The following COG5 variants were observed in gnomAD, a reference collection of about 807,000 sequenced individuals.
COG5 encodes conserved oligomeric Golgi complex subunit 5.
Under a neutral mutation model 110.4 loss-of-function variants are expected in COG5, and 86 were observed. The observed-to-expected ratio is 0.78, with a 90% CI of 0.65 to 0.93. COG5 has a LOEUF of 0.93. COG5 is among the 40% of genes least tolerant of loss of function. The pLI is 0.00. For missense variants in COG5, 1,077 were observed against 987.0 expected (o/e 1.09, Z -1.22); for synonymous variants, 360 against 334.6 (o/e 1.08, Z -0.83).
intron 6 of COG5, among the ~76,000 whole-genome samples, chr7:107,524,463 C>T (rs1362510788): frequency 6.6e-6 from 1 of 152,166 alleles, no homozygotes; most frequent in Admixed American, 6.5e-5. Context: ...CTAATGCTTT[C>T]TAATGAAAAA....
chr7:107,546,437 T>TG (rs1391804780), intron 5 of COG5, among the ~76,000 whole-genome samples: 2 of 143,194 alleles, frequency 1.4e-5, no homozygotes, highest in Non-Finnish European at 3.1e-5. Context: ...GGTTTTTTGT[T>TG]TTTTTTTTTT....
chr7:107,489,248 C>T (rs1204487336), intron 6 of COG5, among the ~76,000 whole-genome samples: 1 of 152,100 alleles, frequency 6.6e-6, no homozygotes. Flanking sequence ...AAACTCTTCG[C>T]TAAAATGTAT....
intron 7 of COG5, among the ~76,000 whole-genome samples, chr7:107,395,538 GAT>G (rs1790923498): frequency 8.1e-6 from 1 of 123,292 alleles, no homozygotes; most frequent in Admixed American, 8.5e-5. Flanking sequence ...CCATGAAGCA[GAT>G]CTTTTTTTTT....
At chr7:107,341,784 G>A (rs1240802174) in intron 10 of COG5, among the ~76,000 whole-genome samples, 3 of 152,036 alleles carry the variant, frequency 2.0e-5, no homozygotes, top group Non-Finnish European at 2.9e-5. Context: ...ATGGAGAAAC[G>A]ACTTCTTATT....
chr7:107,446,184 C>T (rs946321180), intron 6 of COG5, among the ~76,000 whole-genome samples: 4 of 152,162 alleles, frequency 2.6e-5, no homozygotes, highest in African/African-American at 9.7e-5. Context: ...TCTCAAGATC[C>T]TTAATCTTCA....
intron 3 of COG5, 41 bp from the exon 4 acceptor site, chr7:107,548,373 G>C: frequency 1.3e-6 from 2 of 1,568,400 alleles, no homozygotes. Context: ...CAAATTTACA[G>C]GGCATCCAAC....
chr7:107,269,252 G>A (rs1416385806), intron 14 of COG5, among the ~76,000 whole-genome samples: 1 of 152,072 alleles, frequency 6.6e-6, no homozygotes, highest in Non-Finnish European at 1.5e-5. Context: ...GAGGCGGGGG[G>A]ATCACGAGGT....
chr7:107,466,361 A>G (rs1003574440), intron 6 of COG5, among the ~76,000 whole-genome samples: 1 of 152,208 alleles, frequency 6.6e-6, no homozygotes, highest in Non-Finnish European at 1.5e-5. Context: ...CCATGTATTT[A>G]CTTTTATAAT....
At chr7:107,360,620 T>G (rs1013117755) in intron 10 of COG5, among the ~76,000 whole-genome samples, 5 of 152,184 alleles carry the variant, frequency 3.3e-5, no homozygotes, top group Admixed American at 3.3e-4. Context: ...GTGGGCTACA[T>G]TCCCCTCATC....
intron 7 of COG5, among the ~76,000 whole-genome samples, chr7:107,406,681 T>C (rs1318509276): frequency 6.6e-6 from 1 of 152,192 alleles, no homozygotes; most frequent in East Asian, 1.9e-4. Flanking sequence ...CTTTTTGACA[T>C]GTTAAATTTA....
chr7:107,460,366 C>T (rs1795914006), intron 6 of COG5, among the ~76,000 whole-genome samples: 1 of 151,796 alleles, frequency 6.6e-6, no homozygotes, highest in East Asian at 1.9e-4. Flanking sequence ...TCGTACCACC[C>T]TGGGTGAGAG....
At chr7:107,400,808 A>G (rs1791368713) in intron 7 of COG5, among the ~76,000 whole-genome samples, 1 of 152,178 alleles carries the variant, frequency 6.6e-6, no homozygotes, top group Admixed American at 6.5e-5. Flanking sequence ...AGAATTTGTC[A>G]AAGAATATGA....
Position 107,563,823 on chromosome 7 carries a change from A to G in COG5, c.74T>C (p.Val25Ala). 3.7e-6 allele frequency: 6 copies of G among 1,613,794 alleles called. No individual in the cohort carries two copies. Among genetic ancestry groups the G allele is most frequent in the Non-Finnish European group, 5.1e-6 (6 of 1,179,886 alleles). ...ARGSGAAAAT[V>A]RELLQDGCYS... ...CTTACCGTCCTGCAGAAGTTCCCGG[A>G]CTGTAGCTGCAGCCGCTCCAGAGCC... is the stretch of plus-strand genomic sequence containing the variant. The change falls in exon 1 of 22, where the codon GTC (valine) becomes GCC (alanine). Residue 25 changes from valine to alanine, a missense_variant. By Grantham distance (64) the Val-to-Ala change is moderately conservative. Coordinates refer to ENST00000297135, the MANE Select transcript of COG5 (RefSeq NM_006348.5).
intron 10 of COG5, among the ~76,000 whole-genome samples, chr7:107,331,683 G>C (rs1810261359): frequency 6.6e-6 from 1 of 151,988 alleles, no homozygotes; most frequent in African/African-American, 2.4e-5. Context: ...TTAATAACTA[G>C]GACTAAATAT....
At chr7:107,457,860 A>C (rs1795761818) in intron 6 of COG5, among the ~76,000 whole-genome samples, 1 of 152,220 alleles carries the variant, frequency 6.6e-6, no homozygotes, top group African/African-American at 2.4e-5. Flanking sequence ...TAGCAGCAAC[A>C]ACCACAACAA....
intron 1 of COG5, chr7:107,563,557 G>GT (rs1491022915): frequency 1.1e-5 from 5 of 475,764 alleles, no homozygotes; most frequent in Non-Finnish European, 1.9e-5. Flanking sequence ...GGGGGGGGGG[G>GT]GTCGAGTTGA....
chr7:107,347,883 T>C (rs994299454), intron 10 of COG5, among the ~76,000 whole-genome samples: 9 of 151,860 alleles, frequency 5.9e-5, no homozygotes, highest in African/African-American at 2.2e-4. Flanking sequence ...TCCCAGGACT[T>C]TGGGAGGCTG....
intron 11 of COG5, among the ~76,000 whole-genome samples, chr7:107,301,342 A>C (rs1468820003): frequency 7.2e-5 from 11 of 152,176 alleles, no homozygotes; most frequent in Non-Finnish European, 1.5e-5. Context: ...AGGGAAAATC[A>C]ATTTCACATA....
At chr7:107,281,111 T>C (rs1805128195) in intron 14 of COG5, among the ~76,000 whole-genome samples, 189 bp downstream of exon 14, 1 of 152,050 alleles carries the variant, frequency 6.6e-6, no homozygotes, top group Admixed American at 6.5e-5. Context: ...TGACAATGTG[T>C]AGGAGGGCCA....
Sources: gnomAD v4.1 joint callset for allele counts (sites outside exome capture counted in the v4.1 genomes callset) on GRCh38, gnomAD v4.1.1 for gene constraint, MANE v1.5 for transcripts, NCBI Gene and HGNC (gene_info 2026-07-23, HGNC 2026-07-21) for gene names.